SLC44A3: variants seen among roughly 807,000 people sequenced by gnomAD.
SLC44A3 encodes the protein choline transporter-like protein 3.
A neutral mutation model predicts 75.4 loss-of-function variants in SLC44A3; 74 were observed. The ratio of observed to expected loss-of-function variants is 0.98; its 90% CI spans 0.81 to 1.19. SLC44A3 has a LOEUF of 1.19. Ranked by LOEUF, SLC44A3 falls within the 50% of genes most tolerant of loss-of-function variation. The pLI is 0.00. For synonymous variants in SLC44A3, 310 were observed against 296.9 expected, an observed-to-expected ratio of 1.04 and a Z score of -0.45; for missense variants, 700 against 778.6, an observed-to-expected ratio of 0.90 and a Z score of 1.20.
chr1:94,859,809 G>C (rs1666359168), intron 10 of SLC44A3, among the ~76,000 whole-genome samples: 1 of 152,166 alleles, frequency 6.6e-6, no homozygotes. Flanking sequence ...CCACAGTTCA[G>C]CTCCCAGAAT....
chr1:94,852,301 G>T (rs1236192213), intron 9 of SLC44A3, among the ~76,000 whole-genome samples: 4 of 152,170 alleles, frequency 2.6e-5, no homozygotes, highest in African/African-American at 9.7e-5. Context: ...GCATGAGGGG[G>T]CAGGGTGTCA....
At chr1:94,883,192 A>C (rs557970995) in intron 12 of SLC44A3, among the ~76,000 whole-genome samples, 13 of 151,956 alleles carry the variant, frequency 8.6e-5, no homozygotes, top group Non-Finnish European at 1.9e-4. Flanking sequence ...GCAGTGCTGG[A>C]TACACCTCAT....
At chr1:94,860,663 G>T (rs1371191561) in intron 10 of SLC44A3, among the ~76,000 whole-genome samples, 1 of 152,202 alleles carries the variant, frequency 6.6e-6, no homozygotes, top group African/African-American at 2.4e-5. Context: ...ACCTAGAATT[G>T]TATAGCCAGT....
chr1:94,870,936 C>T (rs1667704028), intron 12 of SLC44A3, among the ~76,000 whole-genome samples: 3 of 152,232 alleles, frequency 2.0e-5, no homozygotes, highest in Admixed American at 1.3e-4. Context: ...CCGCCTTGGC[C>T]TCCCAAACTG....
chr1:94,857,498 C>A lies in SLC44A3; in HGVS notation c.1236C>A (p.Asn412Lys). Residue 412 changes from asparagine to lysine, a missense_variant and splice_region_variant, in exon 10 of 15, where the codon AAC becomes AAA. By Grantham distance (94) the Asn-to-Lys change is moderately conservative. Coordinates refer to ENST00000271227, the MANE Select transcript of SLC44A3 (RefSeq NM_001114106.3). ...IAGAVVTCYF[N>K]RSKNDPPDHP... ...GGGCAGTGGTTACTTGTTATTTCAA[C>A]AGGTAGGTCCAGTGTTTTTTTTCTA... The A allele has an allele frequency of 6.2e-7, 1 of 1,608,054 alleles. No homozygotes were observed. Among genetic ancestry groups the A allele is most frequent in the Non-Finnish European group, 8.5e-7 (1 of 1,178,108 alleles).
At chr1:94,845,192 T>C (rs1210940060) in intron 8 of SLC44A3, 86 bp from the exon 9 acceptor site, 4 of 1,347,386 alleles carry the variant, frequency 3.0e-6, no homozygotes, top group Non-Finnish European at 3.0e-6. Context: ...TTTGCTGAGA[T>C]GTCATAATAA....
At position 94,827,639 on chromosome 1, in the gene SLC44A3, C is replaced by G. The variant is rs200590733; in HGVS notation, c.411C>G (p.Thr137=). The G allele has an allele frequency of 6.2e-7, 1 of 1,614,118 alleles. No homozygotes were observed. Among genetic ancestry groups the G allele is most frequent in the East Asian group, 2.2e-5 (1 of 44,874 alleles). ...SLEEVQFFAN[T]SGSFLCVYSL... The stretch of plus-strand genomic sequence containing the variant: ...AAGAGGTCCAGTTCTTTGCAAACAC[C>G]AGTGGTAGGCACTAAGGCCTGGTTT... Residue 137 remains threonine, a synonymous_variant, in exon 4 of 15, where the codon ACC becomes ACG. Transcript: ENST00000271227.
chr1:94,862,651 G>T (rs10493879), intron 10 of SLC44A3, among the ~76,000 whole-genome samples: 12,607 of 152,154 alleles, frequency 0.083, 606 homozygotes, highest in Middle Eastern at 0.18. Flanking sequence ...TGCTAGAGTC[G>T]CCTTACCCTC....
At chr1:94,886,862 A>G (rs1175577087) in intron 12 of SLC44A3, among the ~76,000 whole-genome samples, 2 of 152,056 alleles carry the variant, frequency 1.3e-5, no homozygotes, top group Non-Finnish European at 2.9e-5. Flanking sequence ...TTGAGATACT[A>G]CCAATGCCAA....
intron 12 of SLC44A3, among the ~76,000 whole-genome samples, chr1:94,875,592 G>A (rs1331601898): frequency 6.6e-6 from 1 of 151,322 alleles, no homozygotes; most frequent in Non-Finnish European, 1.5e-5. Context: ...CCTTTTGGCA[G>A]AAATCTATGT....
At chr1:94,827,378 GA>G in intron 3 of SLC44A3, 128 bp from the exon 4 acceptor site, 1 of 1,209,646 alleles carries the variant, frequency 8.3e-7, no homozygotes, top group South Asian at 1.4e-5. Context: ...CAATTATGCT[GA>G]AACAATTATG....
intron 7 of SLC44A3, among the ~76,000 whole-genome samples, chr1:94,840,256 C>CTTTCT (rs1313324609): frequency 2.0e-5 from 2 of 101,878 alleles, no homozygotes; most frequent in South Asian, 3.5e-4. Flanking sequence ...TTTTTTTCTT[C>CTTTCT]TTTCTTTTCT....
intron 3 of SLC44A3, among the ~76,000 whole-genome samples, chr1:94,826,214 G>A (rs1001322044): frequency 8.5e-5 from 13 of 152,182 alleles, no homozygotes; most frequent in Admixed American, 5.9e-4. Context: ...GTAAAATGGC[G>A]ATTGCAAAGG....
At chr1:94,889,440 A>G (rs1265386956) in intron 12 of SLC44A3, 6 of 152,160 alleles carry the variant, frequency 3.9e-5, no homozygotes, top group African/African-American at 1.4e-4. Flanking sequence ...AGATTTCAAG[A>G]GACATAAATG....
intron 12 of SLC44A3, among the ~76,000 whole-genome samples, chr1:94,882,419 C>T (rs1177468604): frequency 6.6e-6 from 1 of 152,146 alleles, no homozygotes; most frequent in Non-Finnish European, 1.5e-5. Flanking sequence ...CAGTAACAGC[C>T]CAGGCATTCC....
chr1:94,833,148 G>A (rs1662349428), intron 5 of SLC44A3, among the ~76,000 whole-genome samples: 1 of 152,088 alleles, frequency 6.6e-6, no homozygotes, highest in East Asian at 1.9e-4. Flanking sequence ...TCCTCTCCCA[G>A]CTTGCTGAAA....
chr1:94,827,062 C>T (rs564200556), intron 3 of SLC44A3, among the ~76,000 whole-genome samples: 1 of 152,342 alleles, frequency 6.6e-6, no homozygotes, highest in South Asian at 2.1e-4. Flanking sequence ...TGGTTCCCAG[C>T]CTTGGCCCCC....
intron 5 of SLC44A3, among the ~76,000 whole-genome samples, chr1:94,831,280 G>GAA (rs1225417650): frequency 6.6e-6 from 1 of 152,194 alleles, no homozygotes; most frequent in African/African-American, 2.4e-5. Context: ...AAGAGAGAGA[G>GAA]AAATAGCCTC....
chr1:94,877,681 A>G (rs1252772678), intron 12 of SLC44A3, among the ~76,000 whole-genome samples: 1 of 152,138 alleles, frequency 6.6e-6, no homozygotes, highest in Non-Finnish European at 1.5e-5. Context: ...GTGGGGCGAA[A>G]AAGTTCCCAA....
Sources: gnomAD v4.1 joint callset for allele counts (sites outside exome capture counted in the v4.1 genomes callset) on GRCh38, gnomAD v4.1.1 for gene constraint, MANE v1.5 for transcripts, NCBI Gene and HGNC (gene_info 2026-07-23, HGNC 2026-07-21) for gene names.